Variants in FYN observed in about 807,000 individuals in gnomAD.
FYN encodes FYN proto-oncogene, Src family tyrosine kinase.
In FYN, 10 loss-of-function variants were observed where a neutral mutation model predicts 70.2. The ratio of observed to expected loss-of-function variants is 0.14; its 90% CI spans 0.09 to 0.24. The LOEUF (loss-of-function observed/expected upper bound fraction) is 0.24. FYN is among the 10% of genes least tolerant of loss of function. FYN has a pLI of 1.00. For synonymous variants in FYN, 236 were observed against 248.6 expected (o/e 0.95, Z 0.48); for missense variants, 319 against 673.1 (o/e 0.47, Z 5.82).
At chr6:111,769,987 G>A (rs1803384297) in intron 3 of FYN, among the ~76,000 whole-genome samples, 2 of 152,020 alleles carry the variant, frequency 1.3e-5, no homozygotes, top group South Asian at 4.2e-4. Flanking sequence ...ACAGGAATAT[G>A]TGGTTTTAGA....
At chr6:111,779,895 A>C (rs1006616107) in intron 3 of FYN, among the ~76,000 whole-genome samples, 2 of 152,256 alleles carry the variant, frequency 1.3e-5, no homozygotes, top group African/African-American at 2.4e-5. Flanking sequence ...TTATTCTCAC[A>C]ACAACCCTAT....
chr6:111,672,418 C>T (rs963505689), intron 13 of FYN, among the ~76,000 whole-genome samples: 1 of 152,230 alleles, frequency 6.6e-6, no homozygotes, highest in African/African-American at 2.4e-5. Flanking sequence ...ACTCCTCTGC[C>T]ATCCTCACAG....
chr6:111,767,712 C>A (rs964911671), intron 3 of FYN, among the ~76,000 whole-genome samples: 3 of 152,132 alleles, frequency 2.0e-5, no homozygotes, highest in Non-Finnish European at 1.5e-5. Context: ...TAGGTGCTAT[C>A]TTGAAAATTA....
intron 4 of FYN, 118 bp from the exon 5 acceptor site, chr6:111,714,561 C>A: frequency 1.3e-6 from 1 of 744,634 alleles, no homozygotes; most frequent in Admixed American, 2.2e-5. Flanking sequence ...GCACTAATAA[C>A]ATGATGAAGT....
intron 5 of FYN, among the ~76,000 whole-genome samples, chr6:111,713,311 GC>G (rs1459290170): frequency 6.6e-6 from 1 of 152,184 alleles, no homozygotes; most frequent in Non-Finnish European, 1.5e-5. Flanking sequence ...GACCAGGGCT[GC>G]CTCTTACTCC....
chr6:111,722,447 G>C (rs531909621), intron 3 of FYN, among the ~76,000 whole-genome samples: 2 of 152,302 alleles, frequency 1.3e-5, no homozygotes, highest in Non-Finnish European at 2.9e-5. Flanking sequence ...CTGATAACTT[G>C]CTCATATAAT....
chr6:111,728,527 G>A (rs969170695), intron 3 of FYN, among the ~76,000 whole-genome samples: 1 of 152,034 alleles, frequency 6.6e-6, no homozygotes, highest in African/African-American at 2.4e-5. Flanking sequence ...CCAGCCCCTG[G>A]CAACCACGAA....
intron 2 of FYN, among the ~76,000 whole-genome samples, chr6:111,841,158 C>T (rs1009784833): frequency 1.3e-5 from 2 of 152,222 alleles, no homozygotes; most frequent in Non-Finnish European, 2.9e-5. Flanking sequence ...GGGCTTCCCC[C>T]ACTCCCACTG....
chr6:111,740,788 T>C (rs1401823736), intron 3 of FYN, among the ~76,000 whole-genome samples: 4 of 152,176 alleles, frequency 2.6e-5, no homozygotes, highest in African/African-American at 9.7e-5. Context: ...TGAAATGCTC[T>C]TCCCCAAAAT....
chr6:111,719,361 G>A (rs1196655704), intron 4 of FYN, among the ~76,000 whole-genome samples: 2 of 151,804 alleles, frequency 1.3e-5, no homozygotes, highest in Non-Finnish European at 2.9e-5. Flanking sequence ...GAAGTGAGTG[G>A]GAAGAGGGAG....
intron 13 of FYN, among the ~76,000 whole-genome samples, chr6:111,662,675 A>T (rs908789070): frequency 2.0e-5 from 3 of 152,246 alleles, no homozygotes; most frequent in African/African-American, 7.2e-5. Context: ...CCTTGTTTAT[A>T]GCATTTATAA....
At position 111,674,481 on chromosome 6, in the gene FYN, G is replaced by T. The variant is rs1161215498; in HGVS notation, c.1405+18C>A. On this transcript the variant is annotated intron_variant, in intron 13 of 13. Transcript: ENST00000354650. The stretch of plus-strand genomic sequence containing the variant: ...AGCCTCCAATCTCAGGCCCATGTCT[G>T]TGAGGCCCTGCTCTTACCTGGGTAT... 5 of 1,603,180 alleles carry T rather than the reference G, an allele frequency of 3.1e-6. No individual in the cohort carries two copies. Among genetic ancestry groups the T allele is most frequent in the Non-Finnish European group, 4.3e-6 (5 of 1,173,278 alleles).
In FYN at chr6:111,661,462, C is replaced by A; in HGVS notation, c.*277G>T. 3.0e-6 allele frequency: 1 copy of A among 336,418 alleles called. No individual in the cohort carries two copies. Among genetic ancestry groups the A allele is most frequent in the Non-Finnish European group, 5.4e-6 (1 of 183,670 alleles). The allele number at this position is 336,418 out of a possible 1,614,324, so 20.8% of individuals were successfully genotyped here. A position where few individuals can be genotyped will look rare whatever the true frequency, so the allele number is the denominator to read the frequency against. ...GTTGGCACTGGAGTAACTATTTACA[C>A]TGAACAGAGGTTTGGCCTTTTACAT... On this transcript the variant is annotated 3_prime_UTR_variant, in exon 14 of 14. Coordinates refer to ENST00000354650, the MANE Select transcript of FYN (RefSeq NM_002037.5). This position sits in a 1 kb window ranked among gnomAD's most constrained non-coding sequence, Gnocchi z 4.0.
chr6:111,667,596 T>C (rs1421719912), intron 13 of FYN, among the ~76,000 whole-genome samples: 1 of 152,172 alleles, frequency 6.6e-6, no homozygotes, highest in South Asian at 2.1e-4. Flanking sequence ...ATCACTTTCA[T>C]TGGCAGAGCA....
At chr6:111,767,995 C>T (rs1032799682) in intron 3 of FYN, among the ~76,000 whole-genome samples, 1 of 152,198 alleles carries the variant, frequency 6.6e-6, no homozygotes, top group African/African-American at 2.4e-5. Context: ...CACTTCCTTG[C>T]CTACTCACAC....
chr6:111,803,738 A>G (rs979442058), intron 2 of FYN, among the ~76,000 whole-genome samples: 2 of 152,180 alleles, frequency 1.3e-5, no homozygotes, highest in African/African-American at 4.8e-5. Flanking sequence ...ATTTAACACC[A>G]TTGCTCCTGA....
At chr6:111,738,090 C>T (rs1416977588) in intron 3 of FYN, among the ~76,000 whole-genome samples, 1 of 152,166 alleles carries the variant, frequency 6.6e-6, no homozygotes, top group Non-Finnish European at 1.5e-5. Flanking sequence ...AGTGATGCTA[C>T]TGGCAGAATT....
intron 13 of FYN, among the ~76,000 whole-genome samples, chr6:111,667,991 G>A (rs781162490): frequency 3.3e-5 from 5 of 152,226 alleles, no homozygotes; most frequent in Non-Finnish European, 7.3e-5. Flanking sequence ...TGAGCTTTCC[G>A]TTCAAAGGGA....
At chr6:111,800,133 T>G (rs907660066) in intron 2 of FYN, among the ~76,000 whole-genome samples, 9 of 152,218 alleles carry the variant, frequency 5.9e-5, no homozygotes, top group African/African-American at 2.2e-4. Context: ...GATTCTCTAT[T>G]ACGGGTTTCT....
Sources: gnomAD v4.1 joint callset for allele counts (sites outside exome capture counted in the v4.1 genomes callset) on GRCh38, gnomAD v4.1.1 for gene constraint, Gnocchi (gnomAD v3.1) non-coding constraint, MANE v1.5 for transcripts, NCBI Gene and HGNC (gene_info 2026-07-23, HGNC 2026-07-21) for gene names.